Variants in IL1RL2 observed in about 807,000 individuals in gnomAD.
IL1RL2 encodes the protein interleukin 1 receptor like 2, also known as interleukin-1 receptor-like 2.
In IL1RL2, 68 loss-of-function variants were observed where a neutral mutation model predicts 66.8. That is an observed-to-expected ratio of 1.02 (90% CI 0.84 to 1.25). The LOEUF (loss-of-function observed/expected upper bound fraction) is 1.25. Ranked by LOEUF, IL1RL2 falls within the 50% of genes most tolerant of loss-of-function variation. IL1RL2 has a pLI of 0.00. For missense variants in IL1RL2, 729 were observed against 709.3 expected, an observed-to-expected ratio of 1.03 and a Z score of -0.32; for synonymous variants, 305 against 264.6, an observed-to-expected ratio of 1.15 and a Z score of -1.48.
intron 7 of IL1RL2, 34 bp downstream of exon 7, chr2:102,219,116 C>T (rs982317973): frequency 2.5e-6 from 4 of 1,612,024 alleles, no homozygotes; most frequent in Admixed American, 3.3e-5. Flanking sequence ...TCTCTAAACG[C>T]TAGCAAGGAT....
chr2:102,233,647 T>C (rs1674550240), intron 10 of IL1RL2, among the ~76,000 whole-genome samples: 1 of 152,140 alleles, frequency 6.6e-6, no homozygotes, highest in Non-Finnish European at 1.5e-5. Context: ...TTTGGACAGT[T>C]CAGTTAACTT....
chr2:102,242,575 G>C (rs2104919799), downstream of IL1RL2, among the ~76,000 whole-genome samples: 1 of 152,274 alleles, frequency 6.6e-6, no homozygotes, highest in Admixed American at 6.5e-5. Flanking sequence ...AGCAGTGAGT[G>C]AGGCAGATCT....
At chr2:102,231,662 C>T (rs1691146731) in intron 9 of IL1RL2, among the ~76,000 whole-genome samples, 1 of 152,008 alleles carries the variant, frequency 6.6e-6, no homozygotes, top group African/African-American at 2.4e-5. Context: ...TTGTGTTTAA[C>T]TTCTGTGCAT....
intron 8 of IL1RL2, among the ~76,000 whole-genome samples, chr2:102,220,940 A>G (rs1021998636): frequency 5.9e-5 from 9 of 152,182 alleles, no homozygotes; most frequent in Admixed American, 5.9e-4. Context: ...ATTGCAGTGA[A>G]TAGGGATCTG....
rs1483540313 is a variant in IL1RL2, at chr2:102,234,959, C to A, written c.1360C>A (p.Pro454Thr). 6.2e-7 allele frequency: 1 copy of A among 1,614,100 alleles called. No individual in the cohort carries two copies. The highest frequency in any genetic ancestry group is 1.3e-5 in the African/African-American group (1 of 75,008). The part of the protein sequence containing the change: ...LCRRLIVIVV[P>T]ESLGFGLLKN... ...CAGGAGGCTGATTGTCATTGTGGTC[C>A]CCGAATCGCTGGGCTTTGGCCTGTT... Residue 454 changes from proline to threonine, a missense_variant, in exon 11 of 12, where the codon CCC becomes ACC. Coordinates refer to ENST00000264257, the MANE Select transcript of IL1RL2 (RefSeq NM_003854.4).
At position 102,235,048 on chromosome 2, in the gene IL1RL2, T is replaced by A; in HGVS notation, c.1449T>A (p.Val483=). 1 of 1,614,218 alleles carries A rather than the reference T, an allele frequency of 6.2e-7. No homozygotes were observed. The change falls in exon 11 of 12, where the codon GTT becomes GTA. Residue 483 remains valine, a synonymous_variant. Coordinates refer to ENST00000264257, the MANE Select transcript of IL1RL2 (RefSeq NM_003854.4). The stretch of plus-strand genomic sequence containing the variant: ...CCCTGATCCAGGACGGGATGAAGGT[T>A]ATTCTCATTGAGCTGGAGAAAATCG... ...YSALIQDGMK[V]ILIELEKIED...
chr2:102,227,633 C>T (rs913944713), intron 9 of IL1RL2, among the ~76,000 whole-genome samples: 1 of 152,154 alleles, frequency 6.6e-6, no homozygotes, highest in African/African-American at 2.4e-5. Context: ...ACACCCATGA[C>T]TGCTCTCTCC....
intron 6 of IL1RL2, among the ~76,000 whole-genome samples, chr2:102,214,309 A>G (rs1388538359): frequency 3.9e-5 from 6 of 152,314 alleles, no homozygotes; most frequent in Admixed American, 3.9e-4. Flanking sequence ...AAATTAAGTA[A>G]AAAACTATAA....
At chr2:102,205,396 C>G (rs575103136) in intron 5 of IL1RL2, among the ~76,000 whole-genome samples, 2 of 152,208 alleles carry the variant, frequency 1.3e-5, no homozygotes, top group Admixed American at 6.5e-5. Context: ...ATGTCCTTTT[C>G]TTTCTGATTG....
At position 102,228,915 on chromosome 2, in the gene IL1RL2, A is replaced by G. The variant is rs1274700732; in HGVS notation, c.1135+2874A>G. On this transcript the variant is annotated intron_variant, in intron 9 of 11. Transcript: ENST00000264257. Reference sequence around the variant, plus strand: ...CAGGGAGTCCTCATTTCAAAAGGGCATGGTGTAGGGAAGCTTGACTGCAAC... The same window carrying G: ...CAGGGAGTCCTCATTTCAAAAGGGCGTGGTGTAGGGAAGCTTGACTGCAAC... Among the ~76,000 whole-genome samples the G allele has an allele frequency of 3.9e-5, 6 of 152,310 alleles. No homozygotes were observed. The East Asian group carries it at 9.6e-4, about 24-fold the overall frequency.
intron 6 of IL1RL2, among the ~76,000 whole-genome samples, chr2:102,218,716 T>G (rs1453456748): frequency 6.6e-6 from 1 of 152,198 alleles, no homozygotes; most frequent in Non-Finnish European, 1.5e-5. Flanking sequence ...GTGTACCTGA[T>G]GATGTTTGGT....
intron 5 of IL1RL2, among the ~76,000 whole-genome samples, chr2:102,211,883 A>G (rs981245472): frequency 1.3e-4 from 20 of 152,276 alleles, no homozygotes; most frequent in African/African-American, 4.8e-4. Flanking sequence ...AAATATGGCC[A>G]AAATGAACTC....
At chr2:102,192,249 G>T in intron 4 of IL1RL2, 129 bp downstream of exon 4, 1 of 560,088 alleles carries the variant, frequency 1.8e-6, no homozygotes, top group Non-Finnish European at 3.1e-6. Context: ...AGATTAGTTA[G>T]CTAGCAGTCA....
At chr2:102,195,734 G>T (rs12467251) in intron 4 of IL1RL2, among the ~76,000 whole-genome samples, 20,457 of 128,162 alleles carry the variant, frequency 0.16, 2,066 homozygotes, top group Admixed American at 0.32. Flanking sequence ...TCTTTTTTCA[G>T]ATGGAGTCTC....
chr2:102,227,374 C>T (rs946587608), intron 9 of IL1RL2, among the ~76,000 whole-genome samples: 8 of 152,154 alleles, frequency 5.3e-5, no homozygotes, highest in African/African-American at 7.2e-5. Flanking sequence ...ACGGTTGTTG[C>T]CCACATGTTT....
At chr2:102,209,949 C>G (rs1490843721) in intron 5 of IL1RL2, among the ~76,000 whole-genome samples, 1 of 152,042 alleles carries the variant, frequency 6.6e-6, no homozygotes, top group Non-Finnish European at 1.5e-5. Context: ...AAACAGCCAC[C>G]CCCACTGCTC....
rs775924613 is a variant in IL1RL2 at position 102,189,040 on chromosome 2, A to C, written c.59-36A>C. The C allele has an allele frequency of 2.7e-6, 4 of 1,500,462 alleles. No individual in the cohort carries two copies. The South Asian group carries it at 3.5e-5, about 13-fold the overall frequency. The allele number at this position is 1,500,462 out of a possible 1,614,324, so 92.9% of individuals were successfully genotyped here. The stretch of plus-strand genomic sequence containing the variant: ...GTAAATAAAACTGAAGTTTTCTTTC[A>C]TGGATAATTGTTTTGTTTTGTTTTT... On this transcript the variant is annotated intron_variant, in intron 2 of 11. Coordinates refer to ENST00000264257, the MANE Select transcript of IL1RL2 (RefSeq NM_003854.4).
intron 9 of IL1RL2, among the ~76,000 whole-genome samples, chr2:102,227,155 C>A (rs562567865): frequency 1.3e-5 from 2 of 152,294 alleles, no homozygotes; most frequent in South Asian, 4.1e-4. Flanking sequence ...TAAATCTGCT[C>A]TAAAGTCCCC....
At chr2:102,190,153 A>G (rs3771199) in intron 3 of IL1RL2, among the ~76,000 whole-genome samples, 48,967 of 152,106 alleles carry the variant, frequency 0.32, 8,023 homozygotes, top group East Asian at 0.39. Flanking sequence ...CAGCTGGAAA[A>G]CACATGCCCC....
Sources: gnomAD v4.1 joint callset for allele counts (sites outside exome capture counted in the v4.1 genomes callset) on GRCh38, gnomAD v4.1.1 for gene constraint, MANE v1.5 for transcripts, NCBI Gene and HGNC (gene_info 2026-07-23, HGNC 2026-07-21) for gene names.